Variants in DMD observed in about 807,000 individuals in gnomAD.
DMD encodes the protein dystrophin.
A neutral mutation model predicts 330.1 loss-of-function variants in DMD; 63 were observed. The observed-to-expected ratio is 0.19, with a 90% CI of 0.16 to 0.24. The LOEUF (loss-of-function observed/expected upper bound fraction) is 0.24, where lower values mean the gene tolerates loss of function less well. DMD is among the 10% of genes least tolerant of loss of function. DMD has a pLI of 1.00. For missense variants in DMD, 3,344 were observed against 2,684.1 expected (o/e 1.25, Z -5.43); for synonymous variants, 1,223 against 959.8 (o/e 1.27, Z -5.07).
intron 2 of DMD, among the ~76,000 whole-genome samples, chrX:33,014,685 G>A (rs2147697369): frequency 9.0e-6 from 1 of 111,133 alleles, no homozygotes; most frequent in Non-Finnish European, 1.9e-5. Flanking sequence ...TTCTCAAGAA[G>A]ACCAGGTAAC....
At chrX:32,770,914 T>G (rs1487915312) in intron 7 of DMD, among the ~76,000 whole-genome samples, 1 of 111,793 alleles carries the variant, frequency 8.9e-6, no homozygotes, top group Non-Finnish European at 1.9e-5. Context: ...AGAGAGGATT[T>G]AGAGAGGGAA....
intron 4 of DMD, among the ~76,000 whole-genome samples, chrX:32,844,298 C>G (rs143233198): frequency 1.8e-5 from 2 of 108,247 alleles, no homozygotes; most frequent in Non-Finnish European, 3.8e-5. Flanking sequence ...CCCAGCTACT[C>G]GGGAGGCTGA....
chrX:32,779,991 A>G (rs1411535656), intron 7 of DMD, among the ~76,000 whole-genome samples: 1 of 111,869 alleles, frequency 8.9e-6, no homozygotes. Context: ...TTAACTTGTC[A>G]TGTATCTTCT....
intron 73 of DMD, among the ~76,000 whole-genome samples, chrX:31,170,380 C>A (rs1274414659): frequency 9.0e-6 from 1 of 110,946 alleles, no homozygotes; most frequent in Non-Finnish European, 1.9e-5. Flanking sequence ...CAGCTACAAT[C>A]TTTCCTGGAA....
chrX:32,297,259 ATTT>A (rs781187073), intron 42 of DMD, among the ~76,000 whole-genome samples: 1 of 90,744 alleles, frequency 1.1e-5, no homozygotes, highest in East Asian at 3.3e-4. Flanking sequence ...TTATTTATTT[ATTT>A]ATTTATTTAT....
intron 2 of DMD, among the ~76,000 whole-genome samples, chrX:32,860,485 C>T (rs771443766): frequency 4.5e-5 from 5 of 111,685 alleles, no homozygotes; most frequent in Non-Finnish European, 9.4e-5. Context: ...AATTGCAAAA[C>T]TGGGGATTCA....
chrX:32,785,827 G>A (rs770045556), intron 7 of DMD, among the ~76,000 whole-genome samples: 7 of 110,901 alleles, frequency 6.3e-5, no homozygotes, highest in East Asian at 5.6e-4. Context: ...TTTTTATATC[G>A]TTGTTATATT....
chrX:33,157,557 A>C (rs898941540), intron 1 of DMD, among the ~76,000 whole-genome samples: 3 of 112,470 alleles, frequency 2.7e-5, no homozygotes, highest in Non-Finnish European at 5.6e-5. Context: ...CAATGAACTG[A>C]CTGCTGTCAA....
intron 7 of DMD, among the ~76,000 whole-genome samples, chrX:32,798,599 G>A (rs2076336742): frequency 8.9e-6 from 1 of 111,916 alleles, no homozygotes; most frequent in Admixed American, 9.5e-5. Flanking sequence ...TTTCATTCAT[G>A]TAAGTGCCAG....
chrX:31,467,957 G>T (rs979249977), intron 59 of DMD, among the ~76,000 whole-genome samples: 2 of 111,869 alleles, frequency 1.8e-5, no homozygotes, highest in African/African-American at 6.5e-5. Flanking sequence ...TTGCGTAGAG[G>T]TGTTTATAGT....
At chrX:31,292,673 C>A (rs778039719) in intron 62 of DMD, among the ~76,000 whole-genome samples, 1 of 111,527 alleles carries the variant, frequency 9.0e-6, no homozygotes, top group East Asian at 2.8e-4. Flanking sequence ...TCATAGGAGG[C>A]CTTATTCATA....
At chrX:31,123,858 A>C (rs1366019560) in intron 78 of DMD, among the ~76,000 whole-genome samples, 1 of 111,531 alleles carries the variant, frequency 9.0e-6, no homozygotes, top group Non-Finnish European at 1.9e-5. Flanking sequence ...TTTTCCTGTC[A>C]GCTTATCGAT....
intron 51 of DMD, among the ~76,000 whole-genome samples, chrX:31,771,737 G>C (rs1418322373): frequency 8.9e-6 from 1 of 111,811 alleles, no homozygotes; most frequent in Non-Finnish European, 1.9e-5. Context: ...CTGACCTCAA[G>C]TGATCCACCT....
At position 32,630,620 on chromosome X, in the gene DMD, C is replaced by T. The variant is rs756636346; in HGVS notation, c.1331+13512G>A. On this transcript the variant is annotated intron_variant, in intron 11 of 78. Coordinates refer to ENST00000357033, the MANE Select transcript of DMD (RefSeq NM_004006.3). ...CAATTCTTCTGTTACTCGTCTCTGA[C>T]GCATTCTTCAGTATGTCAGTTAAAT... is the stretch of plus-strand genomic sequence containing the variant. Among the ~76,000 whole-genome samples the T allele has an allele frequency of 5.4e-5, 6 of 111,334 alleles. No individual in the cohort carries two copies. The East Asian group carries it at 8.5e-4, about 16-fold the overall frequency.
chrX:32,912,493 T>C (rs900969694), intron 2 of DMD, among the ~76,000 whole-genome samples: 1 of 110,979 alleles, frequency 9.0e-6, no homozygotes, highest in African/African-American at 3.3e-5. Flanking sequence ...TTGTTTGTAA[T>C]AGGAAAAGAA....
intron 5 of DMD, among the ~76,000 whole-genome samples, chrX:32,817,313 G>A (rs1325146091): frequency 3.6e-5 from 4 of 111,514 alleles, no homozygotes; most frequent in South Asian, 3.7e-4. Flanking sequence ...TTATCCCTAA[G>A]AGGTGTACAT....
chrX:33,114,333 C>T (rs1460957926), intron 1 of DMD, among the ~76,000 whole-genome samples: 2 of 110,123 alleles, frequency 1.8e-5, no homozygotes, highest in Non-Finnish European at 3.8e-5. Context: ...TGGTCTCGAA[C>T]TCCTGACCTC....
chrX:31,774,893 T>C (rs1363887305), intron 50 of DMD, among the ~76,000 whole-genome samples: 1 of 111,935 alleles, frequency 8.9e-6, no homozygotes, highest in Non-Finnish European at 1.9e-5. Flanking sequence ...AAATAAATCT[T>C]AATATGAATA....
At chrX:31,417,839 C>G (rs1380670573) in intron 60 of DMD, among the ~76,000 whole-genome samples, 1 of 108,128 alleles carries the variant, frequency 9.2e-6, no homozygotes, top group Non-Finnish European at 1.9e-5. Context: ...AGGTACCCAC[C>G]ACCATGCCCG....
Sources: allele counts gnomAD v4.1 joint callset (sites outside exome capture counted in the v4.1 genomes callset), GRCh38; gene constraint gnomAD v4.1.1; transcripts MANE v1.5; gene names NCBI Gene and HGNC (gene_info 2026-07-23, HGNC 2026-07-21).